Variants in SLC39A10 observed in about 807,000 individuals in gnomAD.
SLC39A10 encodes zinc transporter ZIP10.
A neutral mutation model predicts 65.1 loss-of-function variants in SLC39A10; 13 were observed. The observed-to-expected ratio is 0.20, with a 90% CI of 0.13 to 0.32. The LOEUF (loss-of-function observed/expected upper bound fraction) is 0.32. Among genes scored for constraint, SLC39A10 ranks in the 10% least tolerant of loss-of-function variants. The pLI is 1.00. For missense variants in SLC39A10, 831 were observed against 1,018.4 expected (o/e 0.82, Z 2.50); for synonymous variants, 321 against 342.2 (o/e 0.94, Z 0.68).
At position 195,666,363 on chromosome 2, in the gene SLC39A10, A is replaced by G. The variant is rs115071057; in HGVS notation, c.-12+9082A>G. On this transcript the variant is annotated intron_variant, in intron 1 of 9. Coordinates refer to ENST00000359634, the MANE Select transcript of SLC39A10 (RefSeq NM_020342.3). The stretch of plus-strand genomic sequence containing the variant: ...CAAGCTGGTATAAAATCAAGGATGT[A>G]TAACAGTGACAAGACACTGAAAAAG... 3.5e-3 allele frequency among the ~76,000 whole-genome samples: 527 copies of G among 152,336 alleles called. 3 individuals carry two copies. The highest frequency in any genetic ancestry group is 0.012 in the African/African-American group (506 of 41,576).
At position 195,629,644 on chromosome 2, in the gene SLC39A10, C is replaced by G; in HGVS notation, c.-12+23411C>G. Among the ~76,000 whole-genome samples, 2 of 152,180 alleles carry G rather than the reference C, an allele frequency of 1.3e-5. 1 individual carries two copies. The highest frequency in any genetic ancestry group is 2.9e-5 in the Non-Finnish European group (2 of 68,038). On this transcript the variant is annotated intron_variant, in intron 2 of 2. Transcript: ENST00000458054. The stretch of plus-strand genomic sequence containing the variant: ...CACAGACAGCATTCTGGAGGAGATT[C>G]TTTTATCTCAGTATATGTCATGGCA...
chr2:195,701,204 C>T (rs1691169898), intron 3 of SLC39A10, among the ~76,000 whole-genome samples: 1 of 152,002 alleles, frequency 6.6e-6, no homozygotes, highest in African/African-American at 2.4e-5. Context: ...CTCAAATCTG[C>T]CTTTGAATCT....
At chr2:195,708,561 C>G in intron 4 of SLC39A10, 95 bp from the exon 5 acceptor site, 1 of 932,022 alleles carries the variant, frequency 1.1e-6, no homozygotes, top group South Asian at 2.5e-5. Flanking sequence ...GGTATTTTTT[C>G]TGTGTCATTT....
rs1482221083 is a variant in SLC39A10, at chr2:195,645,978, T to C, written c.-11-34054T>C. ...TTGTTTTTGAGATGGGGTCTCACTC[T>C]GTGTCAAAAAAAAGGCTGGAGTGCA... On this transcript the variant is annotated intron_variant, in intron 2 of 2. Transcript: ENST00000458054. Among the ~76,000 whole-genome samples the C allele has an allele frequency of 7.2e-5, 11 of 152,274 alleles. No individual in the cohort carries two copies. The East Asian group carries it at 1.9e-3, about 27-fold the overall frequency.
intron 8 of SLC39A10, among the ~76,000 whole-genome samples, chr2:195,722,150 T>A (rs1692067148): frequency 1.3e-5 from 2 of 152,222 alleles, no homozygotes; most frequent in Non-Finnish European, 2.9e-5. Flanking sequence ...ACCTCAGATG[T>A]CTACCTGTTT....
intron 2 of SLC39A10, among the ~76,000 whole-genome samples, chr2:195,627,009 A>G (rs1307075310): frequency 2.6e-5 from 4 of 152,222 alleles, no homozygotes; most frequent in African/African-American, 9.6e-5. Context: ...ATTAATCTGT[A>G]TTTCTGGGGG....
chr2:195,717,975 T>G (rs1165487827), intron 7 of SLC39A10, among the ~76,000 whole-genome samples: 1 of 152,196 alleles, frequency 6.6e-6, no homozygotes, highest in African/African-American at 2.4e-5. Context: ...CTGAAAATTG[T>G]TACTATTCCC....
chr2:195,723,024 CCCT>C (rs1233501129), intron 8 of SLC39A10, among the ~76,000 whole-genome samples: 1 of 151,528 alleles, frequency 6.6e-6, no homozygotes, highest in Non-Finnish European at 1.5e-5. Flanking sequence ...TAGCACTTAC[CCCT>C]TTTTCTCTCT....
chr2:195,618,159 T>C (rs1417476482), intron 2 of SLC39A10, among the ~76,000 whole-genome samples: 1 of 151,832 alleles, frequency 6.6e-6, no homozygotes, highest in Non-Finnish European at 1.5e-5. Context: ...GAGACCAGCC[T>C]GGCCAACATG....
At chr2:195,689,433 AG>A (rs763776850) in intron 3 of SLC39A10, among the ~76,000 whole-genome samples, 33 of 151,970 alleles carry the variant, frequency 2.2e-4, no homozygotes, top group Non-Finnish European at 4.7e-4. Context: ...AAAAAAAAAG[AG>A]GACTTTGGGT....
chr2:195,716,669 C>T lies in SLC39A10; in HGVS notation c.1729C>T (p.Leu577Phe). 1 of 1,611,104 alleles carries T rather than the reference C, an allele frequency of 6.2e-7. No homozygotes were observed. The highest frequency in any genetic ancestry group is 8.5e-7 in the Non-Finnish European group (1 of 1,178,702). ...TDDSVVSEDR[L>F]NETELTDLEG... ...TGACTCGGTTGTTTCTGAAGATCGA[C>T]TTAATGAAACTGAACTGACAGATTT... Residue 577 changes from leucine to phenylalanine, a missense_variant, in exon 7 of 10, where the codon CTT becomes TTT. By Grantham distance (22) the Leu-to-Phe change is conservative (BLOSUM62 0). Around this residue, in one of 4 missense-constraint regions of SLC39A10, gnomAD observed 230 missense variants for 242.9 expected, o/e 0.95. Coordinates refer to ENST00000359634, the MANE Select transcript of SLC39A10 (RefSeq NM_020342.3).
intron 1 of SLC39A10, chr2:195,657,484 G>A (rs1290444895): frequency 1.0e-6 from 1 of 985,514 alleles, no homozygotes; most frequent in East Asian, 1.1e-4. Flanking sequence ...AGAGCGCGTG[G>A]TGGGCAGAGT....
chr2:195,671,939 C>A (rs1336741595), intron 1 of SLC39A10, among the ~76,000 whole-genome samples: 2 of 151,858 alleles, frequency 1.3e-5, no homozygotes, highest in African/African-American at 4.8e-5. Flanking sequence ...CGGAGCTGCA[C>A]TCAGACCCGG....
At chr2:195,686,757 C>T (rs1031185227) in intron 3 of SLC39A10, among the ~76,000 whole-genome samples, 8 of 152,176 alleles carry the variant, frequency 5.3e-5, no homozygotes, top group Non-Finnish European at 1.2e-4. Context: ...CAGAGCCATG[C>T]TATGAACTAT....
At chr2:195,717,280 CATT>C (rs1691850786) in intron 7 of SLC39A10, 2 of 314,786 alleles carry the variant, frequency 6.4e-6, no homozygotes, top group African/African-American at 2.2e-5. Context: ...AACTGCTTAA[CATT>C]ATATTTTCAA....
intron 2 of SLC39A10, among the ~76,000 whole-genome samples, chr2:195,645,701 G>A (rs1688900737): frequency 6.6e-6 from 1 of 151,992 alleles, no homozygotes; most frequent in African/African-American, 2.4e-5. Context: ...GTGTTTTTGT[G>A]TCTGGCTTAT....
chr2:195,653,081 T>TG, upstream of SLC39A10, among the ~76,000 whole-genome samples: 1 of 152,264 alleles, frequency 6.6e-6, no homozygotes, highest in Non-Finnish European at 1.5e-5. Context: ...CAAAAAAAGT[T>TG]GGGGACTGCT....
Position 195,735,553 on chromosome 2 carries a change from T to G in SLC39A10, c.*512T>G, listed in dbSNP as rs1692564447. 6.6e-6 allele frequency: 1 copy of G among 152,616 alleles called. No homozygotes were observed. Among genetic ancestry groups the G allele is most frequent in the South Asian group, 2.1e-4 (1 of 4,826 alleles). 9.5% of individuals were successfully genotyped at this position (152,616 alleles called of 1,614,324 possible). ...AACTGCATAAAGTAGACATAGGAAC[T>G]AGAGGAAAGCTCAGGCTGCATTAGA... is the stretch of plus-strand genomic sequence containing the variant. On this transcript the variant is annotated 3_prime_UTR_variant, in exon 10 of 10. Coordinates refer to ENST00000359634, the MANE Select transcript of SLC39A10 (RefSeq NM_020342.3).
chr2:195,618,329 T>C (rs569200874), intron 2 of SLC39A10, among the ~76,000 whole-genome samples: 200 of 141,082 alleles, frequency 1.4e-3, no homozygotes, highest in African/African-American at 4.9e-3. Flanking sequence ...TCAGCCTGGG[T>C]GTCAGAATGA....
Sources: gnomAD v4.1 joint callset for allele counts (sites outside exome capture counted in the v4.1 genomes callset) on GRCh38, gnomAD v4.1.1 for gene constraint, gnomAD v4.1.1 regional missense constraint, MANE v1.5 for transcripts, NCBI Gene and HGNC (gene_info 2026-07-23, HGNC 2026-07-21) for gene names.